FGF13: variants seen among roughly 807,000 people sequenced by gnomAD.
FGF13 encodes fibroblast growth factor 13.
FGF13 carries 2 observed loss-of-function variants against 19.5 expected under a neutral mutation model. That is an observed-to-expected ratio of 0.10 (90% CI 0.04 to 0.32). The LOEUF (loss-of-function observed/expected upper bound fraction) is 0.32. FGF13 is among the 10% of genes least tolerant of loss of function. The probability of loss-of-function intolerance (pLI) is 1.00; values close to 1 mark genes in which losing one functional copy is unlikely to be tolerated. For missense variants in FGF13, 113 were observed against 192.7 expected (o/e 0.59, Z 2.45); for synonymous variants, 72 against 76.9 (o/e 0.94, Z 0.33).
intron 1 of FGF13, among the ~76,000 whole-genome samples, chrX:139,082,260 T>G (rs761286710): frequency 1.8e-5 from 2 of 111,163 alleles, no homozygotes; most frequent in South Asian, 3.9e-4. Context: ...CTTCTCTCAG[T>G]TCTCTCCTCA....
intron 1 of FGF13, among the ~76,000 whole-genome samples, chrX:138,954,010 T>A (rs1441347229): frequency 2.7e-5 from 3 of 110,576 alleles, no homozygotes; most frequent in Non-Finnish European, 5.7e-5. Flanking sequence ...AGGGATGTGA[T>A]GTGTGTTATA....
At chrX:139,030,647 G>A (rs1569444319) in intron 1 of FGF13, among the ~76,000 whole-genome samples, 1 of 111,503 alleles carries the variant, frequency 9.0e-6, no homozygotes, top group Non-Finnish European at 1.9e-5. Flanking sequence ...CAGCTGGGAC[G>A]ACTAGAGCAG....
intron 1 of FGF13, among the ~76,000 whole-genome samples, chrX:138,915,695 A>G (rs2091614431): frequency 9.0e-6 from 1 of 111,558 alleles, no homozygotes; most frequent in Admixed American, 9.5e-5. Context: ...TCTCTTCATC[A>G]TTGTCACCAA....
chrX:138,801,369 G>A (rs993745437), intron 3 of FGF13, among the ~76,000 whole-genome samples: 2 of 112,063 alleles, frequency 1.8e-5, no homozygotes, highest in Non-Finnish European at 3.8e-5. Context: ...GAGTTTCGGG[G>A]AAGTCCATGC....
chrX:138,872,460 T>C (rs1412566195), intron 1 of FGF13, among the ~76,000 whole-genome samples: 3 of 111,600 alleles, frequency 2.7e-5, no homozygotes, highest in Non-Finnish European at 5.6e-5. Context: ...AACAACATCC[T>C]TGAAAAACTG....
chrX:138,831,648 A>AT (rs939264435), intron 3 of FGF13, among the ~76,000 whole-genome samples: 2 of 108,762 alleles, frequency 1.8e-5, no homozygotes. Flanking sequence ...GTATGTTGTT[A>AT]TTTTTTCCTT....
intron 3 of FGF13, among the ~76,000 whole-genome samples, chrX:138,811,276 T>C (rs1204632030): frequency 9.0e-6 from 1 of 111,176 alleles, no homozygotes; most frequent in Admixed American, 9.6e-5. Context: ...TAAAAAAGGA[T>C]GAGTTCATGT....
intron 3 of FGF13, among the ~76,000 whole-genome samples, chrX:138,787,168 G>A (rs1167610552): frequency 3.6e-5 from 4 of 112,522 alleles, no homozygotes; most frequent in African/African-American, 6.5e-5. Flanking sequence ...TGTTTTAAAA[G>A]AAATTAAATG....
chrX:139,062,547 G>A (rs1035542708), intron 1 of FGF13, among the ~76,000 whole-genome samples: 9 of 111,430 alleles, frequency 8.1e-5, no homozygotes, highest in Admixed American at 3.8e-4. Flanking sequence ...CTATGATTCC[G>A]CACAAATTTT....
At chrX:138,870,241 A>T (rs757114735) in intron 1 of FGF13, among the ~76,000 whole-genome samples, 1 of 112,082 alleles carries the variant, frequency 8.9e-6, no homozygotes, top group Non-Finnish European at 1.9e-5. Context: ...GATTCAGAAC[A>T]TTAGGAATTG....
At chrX:139,031,392 C>A (rs2092226027) in intron 1 of FGF13, among the ~76,000 whole-genome samples, 1 of 110,866 alleles carries the variant, frequency 9.0e-6, no homozygotes, top group Admixed American at 9.6e-5. Context: ...CCACACAAGG[C>A]AGATTGTATT....
chrX:138,859,545 T>C (rs188515062), intron 2 of FGF13, among the ~76,000 whole-genome samples: 146 of 112,806 alleles, frequency 1.3e-3, no homozygotes, highest in African/African-American at 4.6e-3. Flanking sequence ...CATTGCTCAG[T>C]ACCAACAATG....
At chrX:138,922,959 C>T (rs1382612952) in intron 1 of FGF13, among the ~76,000 whole-genome samples, 4 of 112,123 alleles carry the variant, frequency 3.6e-5, no homozygotes, top group Non-Finnish European at 5.6e-5. Flanking sequence ...AATTGCATTA[C>T]AAAATATTCC....
chrX:138,882,109 A>C (rs1424026714), intron 1 of FGF13, among the ~76,000 whole-genome samples: 2 of 110,871 alleles, frequency 1.8e-5, no homozygotes, highest in African/African-American at 6.5e-5. Flanking sequence ...CTGTGTTTTC[A>C]TTAATCTCAA....
At chrX:138,873,102 G>C (rs1454553578) in intron 1 of FGF13, among the ~76,000 whole-genome samples, 1 of 112,051 alleles carries the variant, frequency 8.9e-6, no homozygotes, top group African/African-American at 3.2e-5. Flanking sequence ...TGAATGCTCA[G>C]AATCATGGCC....
chrX:139,108,673 A>G (rs185640013), intron 1 of FGF13, among the ~76,000 whole-genome samples: 5 of 110,166 alleles, frequency 4.5e-5, no homozygotes, highest in Non-Finnish European at 7.6e-5. Flanking sequence ...TATTTTTTTT[A>G]ATTTTAACTT....
intron 1 of FGF13, among the ~76,000 whole-genome samples, chrX:139,172,395 G>T (rs1277926242): frequency 1.8e-5 from 2 of 111,027 alleles, no homozygotes; most frequent in Non-Finnish European, 3.8e-5. Context: ...TCAAATATGG[G>T]GCTTGCGTCC....
At chrX:138,955,014 T>C (rs763361271) in intron 1 of FGF13, among the ~76,000 whole-genome samples, 1 of 112,531 alleles carries the variant, frequency 8.9e-6, no homozygotes, top group African/African-American at 3.2e-5. Flanking sequence ...GTTCCCACAC[T>C]TGACTGCTGA....
chrX:139,002,929 C>T (rs1002080472), intron 1 of FGF13, among the ~76,000 whole-genome samples: 2 of 111,995 alleles, frequency 1.8e-5, no homozygotes, highest in Non-Finnish European at 3.8e-5. Context: ...TTATTGACTT[C>T]AGGTAATATA....
Sources: allele counts gnomAD v4.1 joint callset (sites outside exome capture counted in the v4.1 genomes callset), GRCh38; gene constraint gnomAD v4.1.1; transcripts MANE v1.5; gene names NCBI Gene and HGNC (gene_info 2026-07-23, HGNC 2026-07-21).